AFF1: variants seen among roughly 807,000 people sequenced by gnomAD.
The protein encoded by AFF1 is ALF transcription elongation factor 1.
Under a neutral mutation model 121.7 loss-of-function variants are expected in AFF1, and 48 were observed. The ratio of observed to expected loss-of-function variants is 0.39; its 90% CI spans 0.31 to 0.50. AFF1 has a LOEUF of 0.50. Among genes scored for constraint, AFF1 ranks in the 20% least tolerant of loss-of-function variants. AFF1 has a pLI of 0.76. For synonymous variants in AFF1, 613 were observed against 563.0 expected, an observed-to-expected ratio of 1.09 and a Z score of -1.26; for missense variants, 1,523 against 1,511.7, an observed-to-expected ratio of 1.01 and a Z score of -0.12.
chr4:86,994,616 TC>T, intron 2 of AFF1, among the ~76,000 whole-genome samples: 1 of 152,240 alleles, frequency 6.6e-6, no homozygotes, highest in East Asian at 1.9e-4. Flanking sequence ...AAGCAAACAC[TC>T]CCCTTGATCC....
intron 1 of AFF1, among the ~76,000 whole-genome samples, chr4:86,943,598 T>C (rs1290224127): frequency 6.6e-6 from 1 of 152,154 alleles, no homozygotes; most frequent in African/African-American, 2.4e-5. Context: ...GCTCAGTCGC[T>C]CACACCTGTG....
intron 4 of AFF1, among the ~76,000 whole-genome samples, chr4:87,081,132 G>A (rs890404047): frequency 7.7e-6 from 1 of 130,668 alleles, no homozygotes; most frequent in Non-Finnish European, 1.6e-5. Flanking sequence ...GGCTTTTGTA[G>A]TTTTTCTCTA....
intron 2 of AFF1, among the ~76,000 whole-genome samples, chr4:87,041,002 A>C (rs916833480): frequency 6.8e-6 from 1 of 148,018 alleles, no homozygotes; most frequent in African/African-American, 2.5e-5. Flanking sequence ...CAGCCTCCTG[A>C]GTAGCTGGGA....
chr4:87,122,020 A>C (rs1727743818), intron 12 of AFF1, among the ~76,000 whole-genome samples: 1 of 152,258 alleles, frequency 6.6e-6, no homozygotes, highest in African/African-American at 2.4e-5. Context: ...TTCTTTAAGA[A>C]GTAGCCTTGT....
At chr4:87,059,069 G>A (rs1720458351) in intron 4 of AFF1, among the ~76,000 whole-genome samples, 1 of 152,062 alleles carries the variant, frequency 6.6e-6, no homozygotes, top group South Asian at 2.1e-4. Context: ...CCTCCTCCAG[G>A]GCTCTGTCCT....
At chr4:87,025,773 C>T (rs998320909) in intron 2 of AFF1, among the ~76,000 whole-genome samples, 3 of 152,132 alleles carry the variant, frequency 2.0e-5, no homozygotes, top group Non-Finnish European at 2.9e-5. Flanking sequence ...GGAGAACTCT[C>T]GCTCTGCAGG....
At chr4:87,116,411 C>T (rs1233447729) in intron 12 of AFF1, among the ~76,000 whole-genome samples, 1 of 152,104 alleles carries the variant, frequency 6.6e-6, no homozygotes, top group African/African-American at 2.4e-5. Flanking sequence ...AGTAGCATTC[C>T]CAAGCCAACT....
intron 2 of AFF1, among the ~76,000 whole-genome samples, chr4:87,026,274 T>C (rs1341940406): frequency 6.6e-6 from 1 of 152,034 alleles, no homozygotes; most frequent in Non-Finnish European, 1.5e-5. Flanking sequence ...TTTTTGTACT[T>C]TTAGTAGAGA....
chr4:86,990,110 G>A (rs1307347269), intron 2 of AFF1, among the ~76,000 whole-genome samples: 1 of 151,864 alleles, frequency 6.6e-6, no homozygotes, highest in Non-Finnish European at 1.5e-5. Flanking sequence ...AACAACCTTA[G>A]CACATGTATA....
At position 87,114,831 on chromosome 4, in the gene AFF1, C is replaced by T; in HGVS notation, c.1998C>T (p.Pro666=). ...CCCGGGCCGCAGCAAGCAACGAACC[C>T]AAGCCAGCAGTGCCCCCCTCCAGTG... ...GRPRAAASNE[P]KPAVPPSSEK... The change falls in exon 12 of 21, where the codon CCC becomes CCT. Residue 666 remains proline (P), a synonymous_variant. Coordinates refer to ENST00000395146, the MANE Select transcript of AFF1 (RefSeq NM_001166693.3). 6.2e-7 allele frequency: 1 copy of T among 1,613,874 alleles called. No individual in the cohort carries two copies. Among genetic ancestry groups the T allele is most frequent in the Non-Finnish European group, 8.5e-7 (1 of 1,179,900 alleles).
At chr4:87,027,132 GA>G (rs1728603486) in intron 2 of AFF1, among the ~76,000 whole-genome samples, 1 of 152,204 alleles carries the variant, frequency 6.6e-6, no homozygotes, top group South Asian at 2.1e-4. Flanking sequence ...GAGGGAAGGT[GA>G]ATTAAGCCTT....
chr4:86,996,587 C>CGGAA (rs1437245728), intron 2 of AFF1, among the ~76,000 whole-genome samples: 1 of 150,854 alleles, frequency 6.6e-6, no homozygotes, highest in Admixed American at 6.6e-5. Flanking sequence ...ACAAACACTG[C>CGGAA]GGAAGGCCGC....
At position 86,943,686 on chromosome 4, in the gene AFF1, G is replaced by T. The variant is rs186389058; in HGVS notation, c.-36-4812G>T. Among the ~76,000 whole-genome samples the T allele has an allele frequency of 1.4e-4, 22 of 152,102 alleles. No homozygotes were observed. The East Asian group carries it at 4.3e-3, about 30-fold the overall frequency. On this transcript the variant is annotated intron_variant, in intron 1 of 20. Transcript: ENST00000395146. ...CAAAAAATACAAAAATTAGCCGGGT[G>T]CAGTGGCTCATTCCTGTAATCCCAG...
At position 87,127,104 on chromosome 4, in the gene AFF1, G is replaced by A. The variant is rs749052577; in HGVS notation, c.2890G>A (p.Val964Met). The A allele has an allele frequency of 2.5e-6, 4 of 1,607,954 alleles. No homozygotes were observed. Among genetic ancestry groups the A allele is most frequent in the South Asian group, 2.2e-5 (2 of 91,008 alleles). ...NGNSKPGKPQ[V>M]KFDKQQADLH... ...TAACTCTAAACCAGGGAAGCCTCAA[G>A]TGAAGTTTGACAAGTAAGACTTCAG... Residue 964 changes from valine to methionine, a missense_variant, in exon 15 of 21, where the codon GTG (valine) becomes ATG (methionine). Physicochemically the swap from Val to Met is conservative, Grantham distance 21. Coordinates refer to ENST00000395146, the MANE Select transcript of AFF1 (RefSeq NM_001166693.3).
chr4:87,134,333 C>T (rs1729112764), intron 19 of AFF1, 138 bp from the exon 20 acceptor site: 1 of 796,360 alleles, frequency 1.3e-6, no homozygotes, highest in South Asian at 1.8e-5. Context: ...GTAGGAGTGA[C>T]TTTAGCAGTG....
chr4:86,995,317 C>A (rs548652521), intron 2 of AFF1, among the ~76,000 whole-genome samples: 1 of 130,386 alleles, frequency 7.7e-6, no homozygotes, highest in Non-Finnish European at 1.5e-5. Context: ...CCTCTCCCCA[C>A]GGTCTCCCTC....
chr4:86,975,412 A>G (rs1209182057), intron 2 of AFF1, among the ~76,000 whole-genome samples: 1 of 151,966 alleles, frequency 6.6e-6, no homozygotes, highest in African/African-American at 2.4e-5. Context: ...CACCACACAT[A>G]GCTAATTTTT....
intron 12 of AFF1, among the ~76,000 whole-genome samples, chr4:87,117,141 A>C (rs1488792388): frequency 6.6e-6 from 1 of 152,184 alleles, no homozygotes; most frequent in East Asian, 1.9e-4. Context: ...TTCATACCCC[A>C]GTGCAAATCT....
At chr4:86,973,809 CCCTTTT>C (rs1723109656) in intron 2 of AFF1, 1 of 149,080 alleles carries the variant, frequency 6.7e-6, no homozygotes, top group South Asian at 2.1e-4. Context: ...CTTTTCCTTT[CCCTTTT>C]CCTTCATGCC....
Sources: gnomAD v4.1 joint callset for allele counts (sites outside exome capture counted in the v4.1 genomes callset) on GRCh38, gnomAD v4.1.1 for gene constraint, MANE v1.5 for transcripts, NCBI Gene and HGNC (gene_info 2026-07-23, HGNC 2026-07-21) for gene names.